The following NBEAL2 variants were observed in gnomAD, a reference collection of about 807,000 sequenced individuals.
NBEAL2 encodes the protein neurobeachin like 2.
Under a neutral mutation model 299.8 loss-of-function variants are expected in NBEAL2, and 160 were observed. That is an observed-to-expected ratio of 0.53 (90% confidence interval 0.47 to 0.61). The LOEUF is 0.61. Among genes scored for constraint, NBEAL2 ranks in the 20% least tolerant of loss-of-function variants. NBEAL2 has a pLI of 0.00. For synonymous variants in NBEAL2, 1,493 were observed against 1,542.3 expected, an observed-to-expected ratio of 0.97 and a Z score of 0.75; for missense variants, 3,112 against 3,649.0, an observed-to-expected ratio of 0.85 and a Z score of 3.79.
In NBEAL2 at chr3:47,004,140, A is replaced by G; in HGVS notation, c.5945A>G (p.Asn1982Ser). The stretch of plus-strand genomic sequence containing the variant: ...CGTGAGGTCCACCTGCGGCGTTTCA[A>G]CCTGCGCCGTTCAGCACTTGAGCTC... ...QLREVHLRRF[N>S]LRRSALELFF... The change falls in exon 37 of 54, where the codon AAC becomes AGC. Residue 1982 changes from asparagine (N) to serine (S), a missense_variant. Transcript: ENST00000450053. This position sits in a 1 kb window ranked among gnomAD's most constrained non-coding sequence, Gnocchi z 5.0. 2 of 1,613,638 alleles carry G rather than the reference A, an allele frequency of 1.2e-6. No individual in the cohort carries two copies. The highest frequency in any genetic ancestry group is 1.7e-6 in the Non-Finnish European group (2 of 1,179,762).
rs781744224 is a variant in NBEAL2, at chr3:46,996,776, G to A, written c.2499G>A (p.Lys833=). The change falls in exon 17 of 54, where the codon AAG becomes AAA. Residue 833 remains lysine, a synonymous_variant. Coordinates refer to ENST00000450053, the MANE Select transcript of NBEAL2 (RefSeq NM_015175.3). The stretch of plus-strand genomic sequence containing the variant: ...GGCCCAATGAGACGGCACCCTTCAA[G>A]CCTGAGGGGGAGCTGCATGAGCTCA... ...TLGPNETAPF[K]PEGELHELST... 15 of 1,612,478 alleles carry A rather than the reference G, an allele frequency of 9.3e-6. No homozygotes were observed. In the African/African-American group the frequency reaches 2.0e-4, roughly 22 times the overall value.
Position 46,988,777 on chromosome 3 carries a change from G to T in NBEAL2, c.140+20G>T. 1 of 1,611,098 alleles carries T rather than the reference G, an allele frequency of 6.2e-7. No homozygotes were observed. Among genetic ancestry groups the T allele is most frequent in the Non-Finnish European group, 8.5e-7 (1 of 1,177,612 alleles). ...ACGAAGGTGAGGCTGGATCTGCACT[G>T]AGGGCAGGGACAGAGCAGGGAGATT... On this transcript the variant is annotated intron_variant, in intron 2 of 53. Transcript: ENST00000450053. The surrounding 1 kb of genome is among the most constrained non-coding windows in gnomAD (Gnocchi z 4.4).
intron 12 of NBEAL2, 44 bp from the exon 13 acceptor site, chr3:46,994,986 CAG>C: frequency 6.7e-7 from 1 of 1,490,226 alleles, no homozygotes. Context: ...CCACTGTTGA[CAG>C]GGTGCCACAG....
At position 46,998,562 on chromosome 3, in the gene NBEAL2, A is replaced by G. The variant is rs2036688812; in HGVS notation, c.3218A>G (p.Tyr1073Cys). ...ATCTTGGATGCTCTGCGCACCCACT[A>G]CAGGTGAGGCCAGTGGGGCCAGATG... ...QFILDALRTH[Y>C]SPQRERPLAA... Residue 1073 changes from tyrosine to cysteine, a missense_variant, in exon 22 of 54, where the codon TAC (tyrosine) becomes TGC (cysteine). This residue lies in a region of NBEAL2 where 2,243 missense variants were observed against 2,538.1 expected (regional missense o/e 0.88). Transcript: ENST00000450053. The G allele has an allele frequency of 2.5e-6, 4 of 1,609,590 alleles. No individual in the cohort carries two copies. In the East Asian group the frequency reaches 6.7e-5, roughly 27 times the overall value.
chr3:46,988,063 G>A lies in NBEAL2; in HGVS notation c.52-606G>A, dbSNP rs768614820. On this transcript the variant is annotated intron_variant, in intron 1 of 53. Coordinates refer to ENST00000450053, the MANE Select transcript of NBEAL2 (RefSeq NM_015175.3). This position sits in a 1 kb window ranked among gnomAD's most constrained non-coding sequence, Gnocchi z 4.4. ...CCTCTTGCCCATGGAACCAGCTCTGGGGCCTGGGGTCCAGGTAACCAGCAA... is the reference window on the plus strand; with the variant it reads ...CCTCTTGCCCATGGAACCAGCTCTGAGGCCTGGGGTCCAGGTAACCAGCAA... 4.8e-6 allele frequency: 6 copies of A among 1,247,292 alleles called. No homozygotes were observed. In the South Asian group the frequency reaches 6.6e-5, roughly 14 times the overall value. 77.3% of individuals were successfully genotyped at this position (1,247,292 alleles called of 1,614,324 possible). A position where few individuals can be genotyped will look rare whatever the true frequency, so the allele number is the denominator to read the frequency against.
chr3:47,006,871 G>A (rs1271535530), intron 45 of NBEAL2, among the ~76,000 whole-genome samples, 195 bp from the exon 46 acceptor site: 1 of 152,180 alleles, frequency 6.6e-6, no homozygotes, highest in East Asian at 1.9e-4. Context: ...TTCCATGTCT[G>A]TCCCAGCTTC....
chr3:47,008,615 C>T lies in NBEAL2; in HGVS notation c.7974C>T (p.Asp2658=). Residue 2658 remains aspartate, a synonymous_variant, in exon 52 of 54, where the codon GAC becomes GAT. Transcript: ENST00000450053. ...EQPTALTVTE[D]FVLLGTAQCA... ...CTACAGCCCTGACGGTGACAGAGGA[C>T]TTTGTGTTGCTGGGCACCGCCCAGT... The T allele has an allele frequency of 1.9e-6, 3 of 1,613,578 alleles. No individual in the cohort carries two copies. The highest frequency in any genetic ancestry group is 2.2e-5 in the East Asian group (1 of 44,882).
At chr3:46,990,358 T>G (rs1351504323) in intron 6 of NBEAL2, among the ~76,000 whole-genome samples, 1 of 152,202 alleles carries the variant, frequency 6.6e-6, no homozygotes, top group Non-Finnish European at 1.5e-5. Context: ...ATCATATCCC[T>G]TGATGTCAAC....
rs1457301245 is a variant in NBEAL2 at position 46,982,997 on chromosome 3, G to A, written c.51+3085G>A. Among the ~76,000 whole-genome samples, 2 of 152,162 alleles carry A rather than the reference G, an allele frequency of 1.3e-5. No individual in the cohort carries two copies. The highest frequency in any genetic ancestry group is 4.8e-5 in the African/African-American group (2 of 41,420). On this transcript the variant is annotated intron_variant, in intron 1 of 53. Coordinates refer to ENST00000450053, the MANE Select transcript of NBEAL2 (RefSeq NM_015175.3). This position sits in a 1 kb window ranked among gnomAD's most constrained non-coding sequence, Gnocchi z 4.2. ...ATGAGTGGCCCCTGTTCAGGCCGGA[G>A]CAGCAGTGATGTTCAGCAACCCCTC...
chr3:46,995,455 C>T lies in NBEAL2; in HGVS notation c.1720C>T (p.Pro574Ser), dbSNP rs377317892. The T allele has an allele frequency of 1.9e-6, 3 of 1,612,850 alleles. No homozygotes were observed. The highest frequency in any genetic ancestry group is 2.5e-6 in the Non-Finnish European group (3 of 1,179,886). ...TLSGMARHQGPARALRYFDLT... is the reference protein window; with the variant it reads ...TLSGMARHQGSARALRYFDLT... ...ATCAGGCATGGCCAGGCACCAGGGT[C>T]CTGCACGTGCTCTGCGCTACTTTGA... Residue 574 changes from proline (P) to serine (S), a missense_variant, in exon 13 of 54, where the codon CCT (proline) becomes TCT (serine). Physicochemically the swap from Pro to Ser is moderately conservative, Grantham distance 74. Around this residue, in one of 3 missense-constraint regions of NBEAL2, gnomAD observed 2,243 missense variants for 2,538.1 expected, o/e 0.88. Transcript: ENST00000450053.
Position 46,998,177 on chromosome 3 carries a change from G to T in NBEAL2, c.3069G>T (p.Leu1023Phe). The change falls in exon 21 of 54, where the codon TTG (leucine) becomes TTT (phenylalanine). Residue 1023 changes from leucine (L) to phenylalanine (F), a missense_variant. Physicochemically the swap from Leu to Phe is conservative, Grantham distance 22. Coordinates refer to ENST00000450053, the MANE Select transcript of NBEAL2 (RefSeq NM_015175.3). ...TCCTGTACCTACTCTACCAGCATTTGCTCTTCAACTTTCACCTCTGGACCC... is the reference window on the plus strand; with the variant it reads ...TCCTGTACCTACTCTACCAGCATTTTCTCTTCAACTTTCACCTCTGGACCC... Reference protein sequence around the residue: ...GPLLYLLYQHLLFNFHLWTLS... With the variant: ...GPLLYLLYQHFLFNFHLWTLS... 4 of 1,608,908 alleles carry T rather than the reference G, an allele frequency of 2.5e-6. No homozygotes were observed. Among genetic ancestry groups the T allele is most frequent in the Non-Finnish European group, 3.4e-6 (4 of 1,177,814 alleles).
chr3:46,990,122 G>A (rs1357321113), intron 6 of NBEAL2, among the ~76,000 whole-genome samples: 1 of 152,122 alleles, frequency 6.6e-6, no homozygotes, highest in African/African-American at 2.4e-5. Flanking sequence ...CTTTAGATAG[G>A]CTCAGGGTGG....
At chr3:46,996,617 C>T (rs1311092053) in intron 16 of NBEAL2, 25 bp downstream of exon 16, 2 of 1,504,930 alleles carry the variant, frequency 1.3e-6, no homozygotes, top group African/African-American at 1.5e-5. Context: ...CCATCTCTGC[C>T]ACAGCCCCAG....
Position 47,001,525 on chromosome 3 carries a change from C to G in NBEAL2, c.4644+87C>G. ...ATCTGGTCTGGGAGGTGGATGGGTA[C>G]ACGTGCGCAGGTGTGGGTGCATCAG... On this transcript the variant is annotated intron_variant, in intron 29 of 53. Coordinates refer to ENST00000450053, the MANE Select transcript of NBEAL2 (RefSeq NM_015175.3). This position sits in a 1 kb window ranked among gnomAD's most constrained non-coding sequence, Gnocchi z 6.1. 3.2e-6 allele frequency: 5 copies of G among 1,556,438 alleles called. No homozygotes were observed. Among genetic ancestry groups the G allele is most frequent in the Non-Finnish European group, 4.4e-6 (5 of 1,149,326 alleles).
At chr3:46,999,819 C>T (rs1260665690) in intron 26 of NBEAL2, 70 bp from the exon 27 acceptor site, 6 of 1,596,344 alleles carry the variant, frequency 3.8e-6, no homozygotes, top group Non-Finnish European at 5.1e-6. Flanking sequence ...CCCTCCTCTG[C>T]AAAGGCCCTG....
In NBEAL2 at chr3:47,008,595, G is replaced by A. The variant is rs1468648851; in HGVS notation, c.7954G>A (p.Ala2652Thr). ...ASLPLAEQPT[A>T]LTVTEDFVLL... is the part of the protein sequence containing the mutation. ...ACTGCCCCTGGCAGAGCAGCCTACA[G>A]CCCTGACGGTGACAGAGGACTTTGT... Residue 2652 changes from alanine (A) to threonine (T), a missense_variant, in exon 52 of 54, where the codon GCC becomes ACC. This residue lies in a region of NBEAL2 where 348 missense variants were observed against 381.4 expected (regional missense o/e 0.91). Transcript: ENST00000450053. 3 of 1,613,690 alleles carry A rather than the reference G, an allele frequency of 1.9e-6. No homozygotes were observed. The highest frequency in any genetic ancestry group is 2.5e-6 in the Non-Finnish European group (3 of 1,179,886).
intron 45 of NBEAL2, 106 bp from the exon 46 acceptor site, chr3:47,006,960 T>C: frequency 1.1e-6 from 1 of 928,652 alleles, no homozygotes; most frequent in Non-Finnish European, 1.6e-6. Flanking sequence ...ACACCTACTC[T>C]ATGACCCCTG....
At position 47,001,897 on chromosome 3, in the gene NBEAL2, A is replaced by AAGAGTGG. The variant is rs2037029646; in HGVS notation, c.4783-23_4783-22insAGAGTGG. The AAGAGTGG allele has an allele frequency of 6.2e-7, 1 of 1,605,828 alleles. No homozygotes were observed. Among genetic ancestry groups the AAGAGTGG allele is most frequent in the Non-Finnish European group, 8.5e-7 (1 of 1,174,168 alleles). Reference sequence around the variant, plus strand: ...GGAGCTCCAAGAGTGGCTGGGTGCCACTCATCTCTCTTGCGCCCACAGCTG... The same window carrying AAGAGTGG: ...GGAGCTCCAAGAGTGGCTGGGTGCCAAGAGTGGCTCATCTCTCTTGCGCCCACAGCTG... On this transcript the variant is annotated intron_variant, in intron 30 of 53. Transcript: ENST00000450053. The surrounding 1 kb of genome is among the most constrained non-coding windows in gnomAD (Gnocchi z 6.1).
intron 1 of NBEAL2, among the ~76,000 whole-genome samples, chr3:46,983,369 G>T (rs927430438): frequency 6.7e-6 from 1 of 150,306 alleles, no homozygotes; most frequent in African/African-American, 2.5e-5. Context: ...GAGTGCAATG[G>T]CATGGTCTCA....
Sources: allele counts gnomAD v4.1 joint callset (sites outside exome capture counted in the v4.1 genomes callset), GRCh38; gene constraint gnomAD v4.1.1; regional missense constraint gnomAD v4.1.1; non-coding constraint Gnocchi (gnomAD v3.1); transcripts MANE v1.5; gene names NCBI Gene and HGNC (gene_info 2026-07-23, HGNC 2026-07-21).